The following SNTG1 variants were observed in gnomAD, a reference collection of about 807,000 sequenced individuals.
SNTG1 encodes the protein gamma-1-syntrophin.
A neutral mutation model predicts 74.7 loss-of-function variants in SNTG1; 39 were observed. The observed-to-expected ratio is 0.52, with a 90% CI of 0.40 to 0.68. SNTG1 has a LOEUF of 0.68. Among genes scored for constraint, SNTG1 ranks in the 30% least tolerant of loss-of-function variants. The pLI, the probability that SNTG1 is intolerant of heterozygous loss-of-function variation, is 0.00. For missense variants in SNTG1, 685 were observed against 609.5 expected (o/e 1.12, Z -1.30); for synonymous variants, 254 against 217.1 (o/e 1.17, Z -1.49).
Position 50,545,567 on chromosome 8 carries a change from G to A in SNTG1, c.681-7483G>A, listed in dbSNP as rs573932241. 5.7e-4 allele frequency among the ~76,000 whole-genome samples: 85 copies of A among 149,986 alleles called. 1 individual carries two copies. The highest frequency in any genetic ancestry group is 3.5e-3 in the Middle Eastern group (1 of 286). On this transcript the variant is annotated intron_variant, in intron 11 of 18. Transcript: ENST00000642720. ...TCAGTGTTTAGCATACTTTATGGCT[G>A]AAAGTACTCAATAAATATTTATAAA...
chr8:50,641,161 T>A (rs1191552951), intron 13 of SNTG1, among the ~76,000 whole-genome samples: 2 of 152,176 alleles, frequency 1.3e-5, no homozygotes, highest in Non-Finnish European at 2.9e-5. Flanking sequence ...AAATTCATGA[T>A]CACTGACCTG....
chr8:50,445,842 G>A (rs1317851427), intron 5 of SNTG1, among the ~76,000 whole-genome samples: 1 of 152,204 alleles, frequency 6.6e-6, no homozygotes, highest in African/African-American at 2.4e-5. Context: ...CAGTAGGAAA[G>A]TAGACTTTGA....
At chr8:50,534,026 A>T (rs1321991525) in intron 10 of SNTG1, among the ~76,000 whole-genome samples, 1 of 152,234 alleles carries the variant, frequency 6.6e-6, no homozygotes, top group Non-Finnish European at 1.5e-5. Context: ...ATTGTATTTT[A>T]TGAAAGATGA....
intron 1 of SNTG1, among the ~76,000 whole-genome samples, chr8:50,168,341 C>T (rs1238941127): frequency 6.6e-6 from 1 of 152,068 alleles, no homozygotes; most frequent in Non-Finnish European, 1.5e-5. Flanking sequence ...ACTATTAAGA[C>T]CAAGTCATTC....
At chr8:50,528,300 G>C (rs909707151) in intron 9 of SNTG1, among the ~76,000 whole-genome samples, 5 of 151,972 alleles carry the variant, frequency 3.3e-5, no homozygotes, top group African/African-American at 1.2e-4. Context: ...TTATCAGATA[G>C]AGGAGCACAT....
intron 1 of SNTG1, among the ~76,000 whole-genome samples, chr8:50,098,394 T>C (rs1586259529): frequency 6.6e-6 from 1 of 152,208 alleles, no homozygotes; most frequent in African/African-American, 2.4e-5. Context: ...ATACTGAAGA[T>C]ATACTGACTT....
chr8:50,459,565 G>T (rs2093540900), intron 8 of SNTG1, among the ~76,000 whole-genome samples: 1 of 151,952 alleles, frequency 6.6e-6, no homozygotes, highest in Non-Finnish European at 1.5e-5. Context: ...TACATGTGCA[G>T]GTTTTTTACC....
At chr8:50,418,441 C>A (rs191781280) in intron 4 of SNTG1, among the ~76,000 whole-genome samples, 2 of 152,210 alleles carry the variant, frequency 1.3e-5, no homozygotes, top group East Asian at 3.9e-4. Context: ...TCATTTCCAT[C>A]TATAGGCACT....
rs182457519 is a variant in SNTG1, at chr8:50,770,450, G to A, written c.1395+18339G>A. Among the ~76,000 whole-genome samples, 166 of 152,100 alleles carry A rather than the reference G, an allele frequency of 1.1e-3. 1 individual carries two copies. Among genetic ancestry groups the A allele is most frequent in the African/African-American group, 3.5e-3 (146 of 41,510 alleles). ...CTGTCCAGACCACCACTGTGACCTC[G>A]AAAATATGCATCCTAGAAAACATGG... is the stretch of plus-strand genomic sequence containing the variant. On this transcript the variant is annotated intron_variant, in intron 18 of 18. Transcript: ENST00000642720.
chr8:50,179,303 C>G (rs1409069774), intron 2 of SNTG1, among the ~76,000 whole-genome samples: 1 of 152,058 alleles, frequency 6.6e-6, no homozygotes, highest in South Asian at 2.1e-4. Context: ...TTTCAGGGTC[C>G]CATATAACTT....
chr8:50,402,505 G>A (rs766297217), intron 4 of SNTG1, among the ~76,000 whole-genome samples, 161 bp downstream of exon 4: 19 of 152,096 alleles, frequency 1.2e-4, no homozygotes, highest in South Asian at 2.1e-4. Flanking sequence ...GGCCCTGTAC[G>A]AGAACCTTGC....
intron 15 of SNTG1, 66 bp from the exon 16 acceptor site, chr8:50,704,534 A>T: frequency 1.2e-6 from 2 of 1,606,118 alleles, no homozygotes; most frequent in Non-Finnish European, 1.7e-6. Flanking sequence ...TGGTCCAGTC[A>T]GGAATGGCCA....
At chr8:50,205,046 T>C (rs2084155252) in intron 2 of SNTG1, among the ~76,000 whole-genome samples, 1 of 152,204 alleles carries the variant, frequency 6.6e-6, no homozygotes, top group African/African-American at 2.4e-5. Context: ...GCATGTGTCT[T>C]TATAACAGCA....
chr8:50,690,952 T>C (rs1407395748), intron 15 of SNTG1, among the ~76,000 whole-genome samples: 1 of 152,222 alleles, frequency 6.6e-6, no homozygotes, highest in African/African-American at 2.4e-5. Flanking sequence ...TGCATATATA[T>C]TTAGGATAGT....
At chr8:50,002,423 CTG>C (rs1314121522) in intron 1 of SNTG1, among the ~76,000 whole-genome samples, 1 of 151,924 alleles carries the variant, frequency 6.6e-6, no homozygotes, top group Non-Finnish European at 1.5e-5. Context: ...GCCTGTTTTT[CTG>C]TGAGTTGGTT....
At chr8:50,289,514 A>G (rs2088970753) in intron 2 of SNTG1, among the ~76,000 whole-genome samples, 1 of 152,166 alleles carries the variant, frequency 6.6e-6, no homozygotes, top group African/African-American at 2.4e-5. Flanking sequence ...GAGTTTGCAC[A>G]CATCATTGTA....
chr8:49,986,849 G>A (rs1272816457), intron 1 of SNTG1, among the ~76,000 whole-genome samples: 8 of 152,086 alleles, frequency 5.3e-5, no homozygotes, highest in East Asian at 1.9e-4. Flanking sequence ...CCACTTGGGC[G>A]TCAGAGTGAG....
chr8:50,661,769 G>A (rs1258337042), intron 15 of SNTG1, among the ~76,000 whole-genome samples: 1 of 152,094 alleles, frequency 6.6e-6, no homozygotes, highest in Non-Finnish European at 1.5e-5. Context: ...ATAGGTTAGT[G>A]AGGCCTGGCG....
At chr8:50,178,035 G>A (rs1250077185) in intron 2 of SNTG1, among the ~76,000 whole-genome samples, 1 of 152,076 alleles carries the variant, frequency 6.6e-6, no homozygotes, top group Non-Finnish European at 1.5e-5. Context: ...TATGTCTCTT[G>A]GAGGTTTGAT....
Sources: allele counts gnomAD v4.1 joint callset (sites outside exome capture counted in the v4.1 genomes callset), GRCh38; gene constraint gnomAD v4.1.1; transcripts MANE v1.5; gene names NCBI Gene and HGNC (gene_info 2026-07-23, HGNC 2026-07-21).